The following CCDC112 variants were observed in gnomAD, a reference collection of about 807,000 sequenced individuals.
CCDC112 encodes the protein coiled-coil domain containing 112.
Under a neutral mutation model 66.3 loss-of-function variants are expected in CCDC112, and 40 were observed. The ratio of observed to expected loss-of-function variants is 0.60; its 90% CI spans 0.47 to 0.79. CCDC112 has a LOEUF of 0.79. Among genes scored for constraint, CCDC112 ranks in the 30% least tolerant of loss-of-function variants. The pLI, the probability that CCDC112 is intolerant of heterozygous loss-of-function variation, is 0.00. For synonymous variants in CCDC112, 214 were observed against 197.2 expected (o/e 1.09, Z -0.71); for missense variants, 659 against 603.8 (o/e 1.09, Z -0.96).
rs572080326 is a variant in CCDC112 at position 115,272,059 on chromosome 5, G to A, written c.919-433C>T. ...CCCGCCTCAGCCTCCCAAAAAGCTG[G>A]GATTATAGGCACCAGCCACCATGTC... On this transcript the variant is annotated intron_variant, in intron 6 of 9. Coordinates refer to ENST00000379611, the MANE Select transcript of CCDC112 (RefSeq NM_001040440.3). Among the ~76,000 whole-genome samples, 5 of 151,872 alleles carry A rather than the reference G, an allele frequency of 3.3e-5. No individual in the cohort carries two copies. In the East Asian group the frequency reaches 9.7e-4, roughly 30 times the overall value.
intron 6 of CCDC112, among the ~76,000 whole-genome samples, chr5:115,274,709 T>C (rs1385348140): frequency 2.0e-5 from 3 of 152,250 alleles, no homozygotes; most frequent in African/African-American, 7.2e-5. Context: ...AGTCCAAATG[T>C]TGTTCTATTA....
chr5:115,269,970 T>C (rs911204014), intron 7 of CCDC112, among the ~76,000 whole-genome samples, 172 bp from the exon 8 acceptor site: 10 of 152,252 alleles, frequency 6.6e-5, no homozygotes, highest in African/African-American at 2.4e-4. Context: ...TGTTAACACA[T>C]GCACATCCCT....
chr5:115,271,760 C>A, intron 6 of CCDC112, 134 bp from the exon 7 acceptor site: 1 of 621,582 alleles, frequency 1.6e-6, no homozygotes, highest in Non-Finnish European at 2.5e-6. Flanking sequence ...GGTTTTTCAG[C>A]TTTGTTTTAA....
At chr5:115,287,388 G>A (rs571353382) in intron 1 of CCDC112, among the ~76,000 whole-genome samples, 2 of 152,048 alleles carry the variant, frequency 1.3e-5, no homozygotes, top group Non-Finnish European at 2.9e-5. Context: ...TTGTTGAATT[G>A]TAACAGTTAT....
chr5:115,280,565 T>A (rs985072693), intron 2 of CCDC112: 1 of 152,258 alleles, frequency 6.6e-6, no homozygotes, highest in African/African-American at 2.4e-5. Flanking sequence ...TTACCTTTTT[T>A]TTTTTGAGAC....
At position 115,291,962 on chromosome 5, in the gene CCDC112, G is replaced by A. The variant is rs534680819; in HGVS notation, c.117+4465C>T. The stretch of plus-strand genomic sequence containing the variant: ...TATTTATTGGCAGGTTTATTACGAT[G>A]TGTCTAGATATGAATTTCTGTGAGT... On this transcript the variant is annotated intron_variant, in intron 1 of 9. Coordinates refer to ENST00000379611, the MANE Select transcript of CCDC112 (RefSeq NM_001040440.3). Among the ~76,000 whole-genome samples the A allele has an allele frequency of 1.3e-4, 20 of 152,266 alleles. No homozygotes were observed. In the South Asian group the frequency reaches 4.1e-3, roughly 32 times the overall value.
intron 1 of CCDC112, 103 bp from the exon 2 acceptor site, chr5:115,285,011 G>T (rs1749617591): frequency 4.6e-6 from 5 of 1,078,244 alleles, no homozygotes; most frequent in Non-Finnish European, 5.4e-6. Flanking sequence ...TTTCTTGAAG[G>T]ATAATTTTGG....
intron 2 of CCDC112, among the ~76,000 whole-genome samples, chr5:115,281,208 G>A (rs1749441952): frequency 6.6e-6 from 1 of 151,986 alleles, no homozygotes; most frequent in South Asian, 2.1e-4. Context: ...ATTTTTCATA[G>A]AGACAGAATT....
rs1037784567 is a variant in CCDC112 at position 115,271,681 on chromosome 5, A to G, written c.919-55T>C. On this transcript the variant is annotated intron_variant, in intron 6 of 9. Coordinates refer to ENST00000379611, the MANE Select transcript of CCDC112 (RefSeq NM_001040440.3). ...AGAGAAAAAAGTTTTTTAATAGCCA[A>G]AAGTATTTTAAAATACATCAATTCC... 9 of 1,134,152 alleles carry G rather than the reference A, an allele frequency of 7.9e-6. No homozygotes were observed. The African/African-American group carries it at 1.3e-4, about 16-fold the overall frequency. 70.3% of individuals were successfully genotyped at this position (1,134,152 alleles called of 1,614,324 possible). A position where few individuals can be genotyped will look rare whatever the true frequency, so the allele number is the denominator to read the frequency against.
intron 8 of CCDC112, 185 bp downstream of exon 8, chr5:115,269,518 A>T (rs1163093145): frequency 1.9e-6 from 1 of 534,968 alleles, no homozygotes; most frequent in East Asian, 3.3e-5. Flanking sequence ...GTAAAATGAC[A>T]GAATTCAAAT....
rs569566142 is a variant in CCDC112, at chr5:115,274,839, C to T, written c.918+377G>A. ...CACTGTAGCCTCAACCTTCTAGGCT[C>T]AAGCAATCCTCCCACCTCAGCTTCC... On this transcript the variant is annotated intron_variant, in intron 6 of 9. Coordinates refer to ENST00000379611, the MANE Select transcript of CCDC112 (RefSeq NM_001040440.3). Among the ~76,000 whole-genome samples, 101 of 152,318 alleles carry T rather than the reference C, an allele frequency of 6.6e-4. 1 individual carries two copies. The highest frequency in any genetic ancestry group is 4.3e-3 in the South Asian group (21 of 4,830).
chr5:115,286,160 T>A (rs952178693), intron 1 of CCDC112, among the ~76,000 whole-genome samples: 6 of 152,210 alleles, frequency 3.9e-5, no homozygotes, highest in Admixed American at 2.0e-4. Context: ...AATATTTTCA[T>A]CATACCAAAA....
At chr5:115,294,828 A>C (rs1399028723) in intron 1 of CCDC112, among the ~76,000 whole-genome samples, 1 of 152,208 alleles carries the variant, frequency 6.6e-6, no homozygotes, top group African/African-American at 2.4e-5. Flanking sequence ...TAAACTCCTA[A>C]ACATTATCAC....
rs778106748 is a variant in CCDC112 at position 115,275,585 on chromosome 5, T to C, written c.549A>G (p.Glu183=). 6.3e-7 allele frequency: 1 copy of C among 1,585,584 alleles called. No individual in the cohort carries two copies. Among genetic ancestry groups the C allele is most frequent in the South Asian group, 1.1e-5 (1 of 87,728 alleles). ...QRLIYEELIK[E]EKTTNNELSA... ...TCAACTCATTATTAGTTGTCTTCTCTTCTTTAATTAGCTCTTCATATCTAA... is the reference window on the plus strand; with the variant it reads ...TCAACTCATTATTAGTTGTCTTCTCCTCTTTAATTAGCTCTTCATATCTAA... The change falls in exon 6 of 10, where the codon GAA becomes GAG. Residue 183 remains glutamate, a synonymous_variant. Coordinates refer to ENST00000379611, the MANE Select transcript of CCDC112 (RefSeq NM_001040440.3).
chr5:115,278,116 T>C (rs1256583487), intron 3 of CCDC112, among the ~76,000 whole-genome samples: 2 of 152,290 alleles, frequency 1.3e-5, no homozygotes, highest in East Asian at 3.9e-4. Flanking sequence ...ATTTACTTTG[T>C]AGGGTCTTAC....
chr5:115,291,307 C>T (rs984683754), intron 1 of CCDC112, among the ~76,000 whole-genome samples: 8 of 151,804 alleles, frequency 5.3e-5, no homozygotes, highest in African/African-American at 1.7e-4. Flanking sequence ...TATATTAAAC[C>T]AACACTGCAT....
Position 115,267,738 on chromosome 5 carries a change from A to G in CCDC112, c.*138T>C. 1 of 729,962 alleles carries G rather than the reference A, an allele frequency of 1.4e-6. No homozygotes were observed. Among genetic ancestry groups the G allele is most frequent in the Non-Finnish European group, 2.4e-6 (1 of 415,464 alleles). 45.2% of individuals were successfully genotyped at this position (729,962 alleles called of 1,614,324 possible). A position where few individuals can be genotyped will look rare whatever the true frequency, so the allele number is the denominator to read the frequency against. On this transcript the variant is annotated 3_prime_UTR_variant, in exon 10 of 10. Coordinates refer to ENST00000379611, the MANE Select transcript of CCDC112 (RefSeq NM_001040440.3). ...TAATGACAAAGCCTCATGAAACTTA[A>G]TACCTCTCAATTCACAATATAGCAC...
intron 1 of CCDC112, among the ~76,000 whole-genome samples, chr5:115,288,455 A>C (rs1158383166): frequency 6.6e-6 from 1 of 152,224 alleles, no homozygotes; most frequent in Admixed American, 6.5e-5. Context: ...TCAGTCTTTC[A>C]CAACACACTA....
rs576247300 is a variant in CCDC112 at position 115,285,558 on chromosome 5, G to A, written c.118-650C>T. 5.6e-4 allele frequency among the ~76,000 whole-genome samples: 85 copies of A among 152,160 alleles called. 1 individual carries two copies. The highest frequency in any genetic ancestry group is 2.0e-3 in the African/African-American group (83 of 41,492). Reference sequence around the variant, plus strand: ...AAAGACTTTGCTGAGTTCAAGCAGAGAAAGGCCAATTGTGTCATGAGATTA... The same window carrying A: ...AAAGACTTTGCTGAGTTCAAGCAGAAAAAGGCCAATTGTGTCATGAGATTA... On this transcript the variant is annotated intron_variant, in intron 1 of 9. Coordinates refer to ENST00000379611, the MANE Select transcript of CCDC112 (RefSeq NM_001040440.3).
Sources: gnomAD v4.1 joint callset for allele counts (sites outside exome capture counted in the v4.1 genomes callset) on GRCh38, gnomAD v4.1.1 for gene constraint, MANE v1.5 for transcripts, NCBI Gene and HGNC (gene_info 2026-07-23, HGNC 2026-07-21) for gene names.